The following NKTR variants were observed in gnomAD, a reference collection of about 807,000 sequenced individuals.
NKTR encodes the protein NK-tumor recognition protein.
Under a neutral mutation model 156.3 loss-of-function variants are expected in NKTR, and 67 were observed. The observed-to-expected ratio is 0.43, with a 90% CI of 0.35 to 0.53. NKTR has a LOEUF of 0.53. Ranked by LOEUF, NKTR falls within the 20% of genes least tolerant of loss-of-function variation. The pLI is 0.01. For synonymous variants in NKTR, 640 were observed against 596.6 expected, an observed-to-expected ratio of 1.07 and a Z score of -1.06; for missense variants, 1,604 against 1,730.9, an observed-to-expected ratio of 0.93 and a Z score of 1.30.
intron 7 of NKTR, 62 bp from the exon 8 acceptor site, chr3:42,631,090 ATTGATTACAGTTAATTGTC>A: frequency 1.3e-6 from 2 of 1,553,522 alleles, no homozygotes; most frequent in Non-Finnish European, 1.7e-6. Context: ...TGGACATGTC[ATTGATTACAGTTAATTGTC>A]TTGATTACTG....
chr3:42,609,387 T>C (rs1284622900), intron 2 of NKTR, among the ~76,000 whole-genome samples: 1 of 152,242 alleles, frequency 6.6e-6, no homozygotes, highest in Non-Finnish European at 1.5e-5. Flanking sequence ...TTTAGGAATA[T>C]AAGCTGAAGT....
intron 2 of NKTR, among the ~76,000 whole-genome samples, chr3:42,611,510 A>T (rs1706805575): frequency 6.6e-6 from 1 of 151,956 alleles, no homozygotes; most frequent in African/African-American, 2.4e-5. Context: ...GAGGCGGGCA[A>T]ATCACAAGGT....
At chr3:42,621,682 C>T (rs1228316156) in intron 6 of NKTR, among the ~76,000 whole-genome samples, 166 bp downstream of exon 6, 1 of 151,930 alleles carries the variant, frequency 6.6e-6, no homozygotes, top group Non-Finnish European at 1.5e-5. Flanking sequence ...ACTGCCTCAG[C>T]ATTCAGCATA....
intron 2 of NKTR, among the ~76,000 whole-genome samples, chr3:42,605,743 T>A (rs1559548691): frequency 1.3e-5 from 2 of 152,080 alleles, no homozygotes; most frequent in African/African-American, 4.8e-5. Context: ...AGCTCATGAG[T>A]AGAGTGACTA....
At chr3:42,624,552 G>C (rs1178349091) in intron 6 of NKTR, among the ~76,000 whole-genome samples, 2 of 152,010 alleles carry the variant, frequency 1.3e-5, no homozygotes, top group African/African-American at 4.8e-5. Context: ...TCATTCTGTA[G>C]ATTATGCTAA....
intron 9 of NKTR, chr3:42,633,158 G>T: frequency 2.2e-6 from 1 of 464,824 alleles, no homozygotes; most frequent in South Asian, 7.0e-5. Context: ...TTCTGCATCA[G>T]CCTCCTGAGT....
chr3:42,638,530 T>C lies in NKTR; in HGVS notation c.2826T>C (p.Pro942=). ...TTKSSTNTSL[P]DDNGAWKSSK... ...AGTCGTCCACAAATACTTCACTGCCTGATGATAATGGTGCTTGGAAATCAA... is the reference window on the plus strand; with the variant it reads ...AGTCGTCCACAAATACTTCACTGCCCGATGATAATGGTGCTTGGAAATCAA... Residue 942 remains proline (P), a synonymous_variant, in exon 13 of 17, where the codon CCT becomes CCC. Coordinates refer to ENST00000232978, the MANE Select transcript of NKTR (RefSeq NM_005385.4). 1 of 1,613,518 alleles carries C rather than the reference T, an allele frequency of 6.2e-7. No individual in the cohort carries two copies. The highest frequency in any genetic ancestry group is 8.5e-7 in the Non-Finnish European group (1 of 1,179,862).
At position 42,633,585 on chromosome 3, in the gene NKTR, C is replaced by G. The variant is rs749768157; in HGVS notation, c.779C>G (p.Ser260Cys). ...GTGACTTGGTTTGTTCTAAGTCACTCTGAGAGGAGTGATACCAATGAAAAA... is the reference window on the plus strand; with the variant it reads ...GTGACTTGGTTTGTTCTAAGTCACTGTGAGAGGAGTGATACCAATGAAAAA... ...NKHAMNPKGH[S>C]ERSDTNEKRS... Residue 260 changes from serine to cysteine, a missense_variant, in exon 10 of 17, where the codon TCT (serine) becomes TGT (cysteine). Physicochemically the swap from Ser to Cys is moderately radical, Grantham distance 112. This residue lies in a region of NKTR where 1,255 missense variants were observed against 1,243.7 expected (regional missense o/e 1.01). Transcript: ENST00000232978. 1 of 1,613,648 alleles carries G rather than the reference C, an allele frequency of 6.2e-7. No individual in the cohort carries two copies. Among genetic ancestry groups the G allele is most frequent in the African/African-American group, 1.3e-5 (1 of 74,994 alleles).
intron 6 of NKTR, among the ~76,000 whole-genome samples, chr3:42,625,555 G>T (rs140556380): frequency 2.0e-5 from 3 of 152,108 alleles, no homozygotes; most frequent in Non-Finnish European, 2.9e-5. Flanking sequence ...GGAGTAGTTG[G>T]TTTTAAGGGG....
At chr3:42,626,653 T>C (rs919901390) in intron 6 of NKTR, among the ~76,000 whole-genome samples, 2 of 152,168 alleles carry the variant, frequency 1.3e-5, no homozygotes, top group Non-Finnish European at 2.9e-5. Flanking sequence ...GAAAGTAGTC[T>C]GTTGTGATAC....
At position 42,638,723 on chromosome 3, in the gene NKTR, G is replaced by T. The variant is rs751780130; in HGVS notation, c.3019G>T (p.Ala1007Ser). Reference sequence around the variant, plus strand: ...AGGGAAAAAAGACAAAAAGCATAAGGCTCCAAAACGAAAGCAAGCATTTCA... The same window carrying T: ...AGGGAAAAAAGACAAAAAGCATAAGTCTCCAAAACGAAAGCAAGCATTTCA... The part of the protein sequence containing the change: ...LKGKKDKKHK[A>S]PKRKQAFHWQ... Residue 1007 changes from alanine to serine, a missense_variant, in exon 13 of 17, where the codon GCT (alanine) becomes TCT (serine). Ala to Ser is a moderately conservative substitution (Grantham distance 99, BLOSUM62 1). Around this residue, in one of 6 missense-constraint regions of NKTR, gnomAD observed 1,255 missense variants for 1,243.7 expected, o/e 1.01. Transcript: ENST00000232978. 1.9e-6 allele frequency: 3 copies of T among 1,613,970 alleles called. No individual in the cohort carries two copies. The highest frequency in any genetic ancestry group is 1.7e-6 in the Non-Finnish European group (2 of 1,180,016).
At chr3:42,607,969 CTTTTTTTTTTTTTTTTTTTTTTTTT>C (rs201803926) in intron 2 of NKTR, among the ~76,000 whole-genome samples, 19 of 74,972 alleles carry the variant, frequency 2.5e-4, no homozygotes, top group Middle Eastern at 9.4e-3. Flanking sequence ...CTGAGTCGCT[CTTTTTTTTTTTTTTTTTTTTTTTTT>C]TTTTTTTTTT....
chr3:42,617,520 G>A, intron 2 of NKTR, 50 bp from the exon 3 acceptor site: 1 of 890,806 alleles, frequency 1.1e-6, no homozygotes, highest in Non-Finnish European at 1.9e-6. Flanking sequence ...CCATTTAAAT[G>A]TGATATATTT....
At chr3:42,600,954 C>T in intron 1 of NKTR, 30 bp from the exon 2 acceptor site, 2 of 1,464,894 alleles carry the variant, frequency 1.4e-6, no homozygotes, top group Non-Finnish European at 9.2e-7. Context: ...TCGCCCCTGC[C>T]CTGACCGCTT....
chr3:42,632,964 C>CAAA (rs1006730527), intron 9 of NKTR, 141 bp downstream of exon 9: 78 of 1,324,432 alleles, frequency 5.9e-5, no homozygotes, highest in Non-Finnish European at 7.1e-5. Context: ...TGAAATCTGG[C>CAAA]AAATCTAGGA....
Position 42,638,485 on chromosome 3 carries a change from C to T in NKTR, c.2781C>T (p.Ile927=), listed in dbSNP as rs1709608709. 2.5e-6 allele frequency: 4 copies of T among 1,610,738 alleles called. No individual in the cohort carries two copies. The highest frequency in any genetic ancestry group is 1.7e-5 in the Admixed American group (1 of 59,240). The change falls in exon 13 of 17, where the codon ATC becomes ATT. Residue 927 remains isoleucine, a synonymous_variant. Transcript: ENST00000232978. ...DSESEVSEIH[I]KVKPTTKSST... is the part of the protein sequence containing the mutation. ...AATCAGAGGTTAGTGAAATTCACAT[C>T]AAAGTCAAACCCACAACCAAGTCGT...
At chr3:42,613,575 C>T (rs1382296405) in intron 2 of NKTR, among the ~76,000 whole-genome samples, 2 of 152,154 alleles carry the variant, frequency 1.3e-5, no homozygotes, top group African/African-American at 4.8e-5. Flanking sequence ...TAATACATGT[C>T]TCCTTTTTAA....
In NKTR at chr3:42,638,363, T is replaced by TCGC; in HGVS notation, c.2660_2661insGCC (p.Ser887_Glu888insPro). ...GAATTATGCTGGTAGTAAATGGGAC[T>TCGC]CTGAGTCAAATTCAGAACGAGATGT... On this transcript the variant is annotated inframe_insertion, in exon 13 of 17. Coordinates refer to ENST00000232978, the MANE Select transcript of NKTR (RefSeq NM_005385.4). The TCGC allele has an allele frequency of 1.2e-6, 2 of 1,613,802 alleles. No homozygotes were observed. Among genetic ancestry groups the TCGC allele is most frequent in the Non-Finnish European group, 1.7e-6 (2 of 1,179,930 alleles).
At chr3:42,616,443 G>A (rs550626349) in intron 2 of NKTR, among the ~76,000 whole-genome samples, 1 of 152,212 alleles carries the variant, frequency 6.6e-6, no homozygotes, top group African/African-American at 2.4e-5. Context: ...ATACAGTCAG[G>A]TTTTCCAGAG....
Sources: gnomAD v4.1 joint callset for allele counts (sites outside exome capture counted in the v4.1 genomes callset) on GRCh38, gnomAD v4.1.1 for gene constraint, gnomAD v4.1.1 regional missense constraint, MANE v1.5 for transcripts, NCBI Gene and HGNC (gene_info 2026-07-23, HGNC 2026-07-21) for gene names.